The following CFHR2 variants were observed in gnomAD, a reference collection of about 807,000 sequenced individuals.
CFHR2 encodes complement factor H-related protein 2.
Under a neutral mutation model 21.7 loss-of-function variants are expected in CFHR2, and 22 were observed. The observed-to-expected ratio is 1.01, with a 90% CI of 0.72 to 1.45. The LOEUF is 1.45. Ranked by LOEUF, CFHR2 falls within the 40% of genes most tolerant of loss-of-function variation. The pLI is 0.00. For synonymous variants in CFHR2, 98 were observed against 97.4 expected, an observed-to-expected ratio of 1.01 and a Z score of -0.04; for missense variants, 294 against 293.3, an observed-to-expected ratio of 1.00 and a Z score of -0.02.
At chr1:196,944,981 A>G (rs1262337606) in intron 1 of CFHR2, among the ~76,000 whole-genome samples, 1 of 149,530 alleles carries the variant, frequency 6.7e-6, no homozygotes, top group South Asian at 2.2e-4. Flanking sequence ...GGTTCAAGCA[A>G]TTCTCCTGCG....
At chr1:196,945,777 A>AGTGAGT (rs1553309075) in intron 1 of CFHR2, among the ~76,000 whole-genome samples, 2 of 142,850 alleles carry the variant, frequency 1.4e-5, no homozygotes, top group East Asian at 2.1e-4. Context: ...ACTGTGAGTG[A>AGTGAGT]GTGTGTGTGT....
chr1:196,947,444 A>G (rs964509077), intron 1 of CFHR2, among the ~76,000 whole-genome samples: 4 of 152,224 alleles, frequency 2.6e-5, no homozygotes, highest in African/African-American at 9.6e-5. Flanking sequence ...GGAGGAGTGA[A>G]GGATAACTAA....
chr1:196,950,390 A>T (rs1043121742), intron 2 of CFHR2, among the ~76,000 whole-genome samples: 2 of 152,214 alleles, frequency 1.3e-5, no homozygotes, highest in African/African-American at 2.4e-5. Flanking sequence ...TATAGTAGCA[A>T]GACTTAACTT....
chr1:196,952,262 T>C (rs2125009601), intron 3 of CFHR2, among the ~76,000 whole-genome samples: 1 of 152,218 alleles, frequency 6.6e-6, no homozygotes, highest in African/African-American at 2.4e-5. Context: ...GGCAACAGAG[T>C]GAGACCCTGT....
At position 196,959,300 on chromosome 1, in the gene CFHR2, T is replaced by C. The variant is rs902311463; in HGVS notation, c.*220T>C. 6.7e-6 allele frequency: 3 copies of C among 445,878 alleles called. No homozygotes were observed. Among genetic ancestry groups the C allele is most frequent in the East Asian group, 3.9e-5 (1 of 25,424 alleles). 27.6% of individuals were successfully genotyped at this position (445,878 alleles called of 1,614,324 possible). ...ACAACCTAGGAATTGTCTTTTTTTT[T>C]CTTTTTAAAAAAATTGACAATAACT... is the stretch of plus-strand genomic sequence containing the variant. On this transcript the variant is annotated 3_prime_UTR_variant, in exon 5 of 5. Coordinates refer to ENST00000367415, the MANE Select transcript of CFHR2 (RefSeq NM_005666.4).
intron 3 of CFHR2, among the ~76,000 whole-genome samples, chr1:196,952,062 C>T (rs1659748586): frequency 6.6e-6 from 1 of 152,096 alleles, no homozygotes; most frequent in Non-Finnish European, 1.5e-5. Flanking sequence ...CCGTGGTATG[C>T]CTTTCAAAAG....
rs1310184020 is a variant in CFHR2 at position 196,949,665 on chromosome 1, G to C, written c.253+16G>C. On this transcript the variant is annotated intron_variant, in intron 2 of 4. Coordinates refer to ENST00000367415, the MANE Select transcript of CFHR2 (RefSeq NM_005666.4). Reference sequence around the variant, plus strand: ...AAGTGTCTCAGTGAGTAAATGCCCTGTTCATTAAATGGATGTCATTCAATG... The same window carrying C: ...AAGTGTCTCAGTGAGTAAATGCCCTCTTCATTAAATGGATGTCATTCAATG... The C allele has an allele frequency of 6.2e-7, 1 of 1,613,206 alleles. No homozygotes were observed. Among genetic ancestry groups the C allele is most frequent in the Non-Finnish European group, 8.5e-7 (1 of 1,179,296 alleles).
Position 196,959,077 on chromosome 1 carries a change from A to T in CFHR2, c.810A>T (p.Lys270Asn). 6.3e-7 allele frequency: 1 copy of T among 1,590,570 alleles called. No individual in the cohort carries two copies. The highest frequency in any genetic ancestry group is 8.6e-7 in the Non-Finnish European group (1 of 1,164,688). Residue 270 changes from lysine (K) to asparagine (N), a missense_variant, in exon 5 of 5, where the codon AAA becomes AAT. Transcript: ENST00000367415. ...GKLVYPSCEEK is the reference protein window; with the variant it reads ...GKLVYPSCEEN ...TGGTATATCCCAGTTGTGAAGAAAA[A>T]TAGAATCAATGGCATTACTATTAGT...
intron 3 of CFHR2, among the ~76,000 whole-genome samples, chr1:196,954,092 T>C (rs921694685): frequency 6.6e-6 from 1 of 152,012 alleles, no homozygotes; most frequent in Non-Finnish European, 1.5e-5. Context: ...AGAAGATGGG[T>C]TTTTTAAAAA....
chr1:196,949,451 C>T lies in CFHR2; in HGVS notation c.59-4C>T. ...AATTCTTCAGTTTTGTGTTATTTTCCCAGCAATGTTCTGTGATTTTCCAAA... is the reference window on the plus strand; with the variant it reads ...AATTCTTCAGTTTTGTGTTATTTTCTCAGCAATGTTCTGTGATTTTCCAAA... On this transcript the variant is annotated splice_polypyrimidine_tract_variant and splice_region_variant and intron_variant, in intron 1 of 4. Coordinates refer to ENST00000367415, the MANE Select transcript of CFHR2 (RefSeq NM_005666.4). 6.2e-7 allele frequency: 1 copy of T among 1,606,788 alleles called. No homozygotes were observed. The highest frequency in any genetic ancestry group is 1.1e-5 in the South Asian group (1 of 90,166).
At chr1:196,957,023 T>C (rs994042944) in intron 3 of CFHR2, among the ~76,000 whole-genome samples, 2 of 152,192 alleles carry the variant, frequency 1.3e-5, no homozygotes, top group Admixed American at 1.3e-4. Flanking sequence ...CCTCTGTTTA[T>C]CTAGAAGTGT....
intron 4 of CFHR2, among the ~76,000 whole-genome samples, chr1:196,958,440 A>G (rs1411893059): frequency 1.3e-5 from 2 of 151,424 alleles, no homozygotes; most frequent in Non-Finnish European, 3.0e-5. Flanking sequence ...GAGAGAGATG[A>G]GGACTCTTAA....
chr1:196,952,309 C>G (rs891221488), intron 3 of CFHR2, among the ~76,000 whole-genome samples: 4 of 152,048 alleles, frequency 2.6e-5, no homozygotes, highest in African/African-American at 9.7e-5. Flanking sequence ...ATTGAGTCTT[C>G]TTAAAACAGC....
chr1:196,949,447 T>A lies in CFHR2; in HGVS notation c.59-8T>A. ...ATGTAATTCTTCAGTTTTGTGTTATTTTCCCAGCAATGTTCTGTGATTTTC... is the reference window on the plus strand; with the variant it reads ...ATGTAATTCTTCAGTTTTGTGTTATATTCCCAGCAATGTTCTGTGATTTTC... On this transcript the variant is annotated splice_polypyrimidine_tract_variant and splice_region_variant and intron_variant, in intron 1 of 4. Transcript: ENST00000367415. 1 of 1,607,090 alleles carries A rather than the reference T, an allele frequency of 6.2e-7. No homozygotes were observed. The highest frequency in any genetic ancestry group is 8.5e-7 in the Non-Finnish European group (1 of 1,175,300).
At chr1:196,955,499 A>T (rs1202146383) in intron 3 of CFHR2, among the ~76,000 whole-genome samples, 3 of 152,100 alleles carry the variant, frequency 2.0e-5, no homozygotes. Flanking sequence ...AATCTACTGT[A>T]TTAGTCCACT....
chr1:196,949,702 A>T lies in CFHR2; in HGVS notation c.253+53A>T, dbSNP rs1571486467. 5.0e-6 allele frequency: 8 copies of T among 1,602,470 alleles called. No homozygotes were observed. The East Asian group carries it at 1.8e-4, about 36-fold the overall frequency. ...GATGTCATTCAATGAACAGAGAAGG[A>T]TATGCCAGACAAGATCATAAACACT... On this transcript the variant is annotated intron_variant, in intron 2 of 4. Coordinates refer to ENST00000367415, the MANE Select transcript of CFHR2 (RefSeq NM_005666.4).
chr1:196,947,967 TG>T (rs1434140501), intron 1 of CFHR2, among the ~76,000 whole-genome samples: 2 of 152,120 alleles, frequency 1.3e-5, no homozygotes, highest in South Asian at 4.1e-4. Context: ...GTGAAAAACT[TG>T]TTAATAAAAT....
intron 1 of CFHR2, among the ~76,000 whole-genome samples, chr1:196,946,788 T>C (rs1659511072): frequency 6.6e-6 from 1 of 152,240 alleles, no homozygotes; most frequent in African/African-American, 2.4e-5. Context: ...CAGTTAATTT[T>C]TTTAACCAGT....
intron 1 of CFHR2, among the ~76,000 whole-genome samples, chr1:196,948,432 C>T (rs564582150): frequency 1.2e-3 from 188 of 152,070 alleles, no homozygotes; most frequent in African/African-American, 4.3e-3. Context: ...TGCACCACCA[C>T]ACCTGGCTAA....
Sources: gnomAD v4.1 joint callset for allele counts (sites outside exome capture counted in the v4.1 genomes callset) on GRCh38, gnomAD v4.1.1 for gene constraint, MANE v1.5 for transcripts, NCBI Gene and HGNC (gene_info 2026-07-23, HGNC 2026-07-21) for gene names.